PPP2R5E: variants seen among roughly 807,000 people sequenced by gnomAD.
PPP2R5E encodes serine/threonine-protein phosphatase 2A 56 kDa regulatory subunit epsilon isoform.
Under a neutral mutation model 65.3 loss-of-function variants are expected in PPP2R5E, and 4 were observed. That is an observed-to-expected ratio of 0.06 (90% CI 0.03 to 0.14). PPP2R5E has a LOEUF of 0.14. Among genes scored for constraint, PPP2R5E ranks in the 10% least tolerant of loss-of-function variants. The pLI is 1.00. For synonymous variants in PPP2R5E, 183 were observed against 187.4 expected (o/e 0.98, Z 0.19); for missense variants, 274 against 556.1 (o/e 0.49, Z 5.10).
chr14:63,522,338 G>A (rs931149563), intron 2 of PPP2R5E, among the ~76,000 whole-genome samples: 4 of 151,300 alleles, frequency 2.6e-5, no homozygotes, highest in East Asian at 2.0e-4. Flanking sequence ...CCAAAGTGCC[G>A]AGATTGCAGC....
At chr14:63,388,092 T>A (rs956262268) in intron 11 of PPP2R5E, among the ~76,000 whole-genome samples, 2 of 152,032 alleles carry the variant, frequency 1.3e-5, no homozygotes, top group Admixed American at 6.6e-5. Context: ...GAGTAACGCT[T>A]AGGCCTTTCT....
chr14:63,536,843 A>G (rs1268591384), intron 2 of PPP2R5E, among the ~76,000 whole-genome samples: 1 of 152,230 alleles, frequency 6.6e-6, no homozygotes, highest in Non-Finnish European at 1.5e-5. Flanking sequence ...AACAAAAAAC[A>G]GAATGGCGGT....
chr14:63,466,027 G>A (rs118106059), intron 2 of PPP2R5E, among the ~76,000 whole-genome samples: 2,246 of 152,114 alleles, frequency 0.015, 43 homozygotes, highest in Non-Finnish European at 0.022. Flanking sequence ...CCAAAAAAAC[G>A]GCAATAAAAG....
At chr14:63,488,864 T>G (rs1891141855) in intron 2 of PPP2R5E, among the ~76,000 whole-genome samples, 1 of 150,912 alleles carries the variant, frequency 6.6e-6, no homozygotes, top group African/African-American at 2.4e-5. Context: ...AATAAATTAA[T>G]TTAATTAAAT....
chr14:63,447,169 G>A (rs1888527029), intron 3 of PPP2R5E, among the ~76,000 whole-genome samples: 1 of 152,208 alleles, frequency 6.6e-6, no homozygotes, highest in African/African-American at 2.4e-5. Context: ...TAACAAGAGA[G>A]TCAGCCTGGC....
At chr14:63,384,662 A>C in intron 11 of PPP2R5E, 91 bp from the exon 12 acceptor site, 1 of 1,107,354 alleles carries the variant, frequency 9.0e-7, no homozygotes, top group Non-Finnish European at 1.3e-6. Context: ...GTATTTCAAA[A>C]GGCTATTTGT....
intron 8 of PPP2R5E, among the ~76,000 whole-genome samples, chr14:63,392,826 G>C (rs188726937): frequency 6.6e-6 from 1 of 152,148 alleles, no homozygotes; most frequent in East Asian, 1.9e-4. Flanking sequence ...CCTTCCCAAT[G>C]GGGGGAAGAG....
At chr14:63,407,174 A>C (rs964633267) in intron 5 of PPP2R5E, among the ~76,000 whole-genome samples, 5 of 152,224 alleles carry the variant, frequency 3.3e-5, no homozygotes, top group Non-Finnish European at 7.3e-5. Context: ...ACTGAGGCAC[A>C]CAGTAGTTAT....
intron 2 of PPP2R5E, among the ~76,000 whole-genome samples, chr14:63,471,696 A>T (rs146491875): frequency 1.3e-3 from 195 of 152,306 alleles, no homozygotes; most frequent in African/African-American, 4.1e-3. Context: ...ACCATCACAC[A>T]GCTGGAAAGG....
chr14:63,442,084 G>C (rs889336151), intron 3 of PPP2R5E, among the ~76,000 whole-genome samples: 1 of 152,060 alleles, frequency 6.6e-6, no homozygotes, highest in African/African-American at 2.4e-5. Flanking sequence ...GTACAGACCA[G>C]TTTCCCTACC....
chr14:63,463,848 G>A (rs772048858), intron 2 of PPP2R5E, among the ~76,000 whole-genome samples: 4 of 151,966 alleles, frequency 2.6e-5, no homozygotes, highest in East Asian at 1.9e-4. Context: ...CGCCTGCCTC[G>A]GCCTCCCAAA....
At chr14:63,462,228 G>A (rs947093478) in intron 2 of PPP2R5E, among the ~76,000 whole-genome samples, 2 of 151,926 alleles carry the variant, frequency 1.3e-5, no homozygotes, top group Admixed American at 6.6e-5. Flanking sequence ...CTGCCACCTT[G>A]CCCGGCTAAT....
At chr14:63,520,108 T>C (rs1195419250) in intron 2 of PPP2R5E, among the ~76,000 whole-genome samples, 1 of 152,114 alleles carries the variant, frequency 6.6e-6, no homozygotes, top group Non-Finnish European at 1.5e-5. Flanking sequence ...CAATCTCAGC[T>C]CACTGCAAAC....
chr14:63,541,583 A>G (rs1893907116), intron 1 of PPP2R5E, among the ~76,000 whole-genome samples: 1 of 152,258 alleles, frequency 6.6e-6, no homozygotes, highest in Admixed American at 6.5e-5. Context: ...TCGGATAGAA[A>G]GAATGCATAT....
chr14:63,451,972 G>A (rs1888858987), intron 3 of PPP2R5E: 1 of 152,116 alleles, frequency 6.6e-6, no homozygotes, highest in African/African-American at 2.4e-5. Context: ...TATTCATAGA[G>A]TACTGCTTAA....
chr14:63,429,222 TGAATAAAAGCAGA>T lies in PPP2R5E; in HGVS notation c.355-7141_355-7129del, dbSNP rs1482421735. Among the ~76,000 whole-genome samples, 6 of 152,200 alleles carry T rather than the reference TGAATAAAAGCAGA, an allele frequency of 3.9e-5. No individual in the cohort carries two copies. In the East Asian group the frequency reaches 1.2e-3, roughly 29 times the overall value. On this transcript the variant is annotated intron_variant, in intron 3 of 13. Coordinates refer to ENST00000337537, the MANE Select transcript of PPP2R5E (RefSeq NM_006246.5). ...CTAGATGGTTGAGTATCATCTTTCTTGAATAAAAGCAGATGAACTAGCTGACCTCAAAGATATT... is the reference window on the plus strand; with the variant it reads ...CTAGATGGTTGAGTATCATCTTTCTTTGAACTAGCTGACCTCAAAGATATT...
intron 2 of PPP2R5E, among the ~76,000 whole-genome samples, chr14:63,486,646 A>G (rs1303697524): frequency 2.6e-5 from 4 of 151,478 alleles, no homozygotes; most frequent in Non-Finnish European, 2.9e-5. Flanking sequence ...CCACCCTCCC[A>G]TTTCCTTTCC....
chr14:63,447,334 A>G (rs1888535967), intron 3 of PPP2R5E, among the ~76,000 whole-genome samples: 1 of 152,244 alleles, frequency 6.6e-6, no homozygotes, highest in Non-Finnish European at 1.5e-5. Context: ...AACTTGCGGC[A>G]GCTTTAGCTT....
chr14:63,414,786 C>T (rs954713484), intron 5 of PPP2R5E, among the ~76,000 whole-genome samples: 1 of 152,180 alleles, frequency 6.6e-6, no homozygotes, highest in African/African-American at 2.4e-5. Context: ...CTACACCACA[C>T]TTCTTTAAGA....
Sources: allele counts gnomAD v4.1 joint callset (sites outside exome capture counted in the v4.1 genomes callset), GRCh38; gene constraint gnomAD v4.1.1; transcripts MANE v1.5; gene names NCBI Gene and HGNC (gene_info 2026-07-23, HGNC 2026-07-21).